The following TIMP2 variants were observed in gnomAD, a reference collection of about 807,000 sequenced individuals.
TIMP2 encodes metalloproteinase inhibitor 2.
Under a neutral mutation model 24.3 loss-of-function variants are expected in TIMP2, and 5 were observed. That is an observed-to-expected ratio of 0.21 (90% CI 0.11 to 0.43). TIMP2 has a LOEUF of 0.43. TIMP2 is among the 20% of genes least tolerant of loss of function. The pLI, the probability that TIMP2 is intolerant of heterozygous loss-of-function variation, is 1.00. For missense variants in TIMP2, 221 were observed against 297.5 expected (o/e 0.74, Z 1.89); for synonymous variants, 130 against 123.2 (o/e 1.06, Z -0.37).
Position 78,855,485 on chromosome 17 carries a change from CG to C in TIMP2, c.*181del. 3 of 721,162 alleles carry C rather than the reference CG, an allele frequency of 4.2e-6. No individual in the cohort carries two copies. The highest frequency in any genetic ancestry group is 6.7e-6 in the Non-Finnish European group (3 of 446,088). 44.7% of individuals were successfully genotyped at this position (721,162 alleles called of 1,614,324 possible). A position where few individuals can be genotyped will look rare whatever the true frequency, so the allele number is the denominator to read the frequency against. On this transcript the variant is annotated 3_prime_UTR_variant, in exon 5 of 5. Transcript: ENST00000262768. The surrounding 1 kb of genome is among the most constrained non-coding windows in gnomAD (Gnocchi z 6.0). ...GGATGGGATGAGGACCTTGGACCCA[CG>C]TCTCCCTCCAGACCCACAACCATGT...
intron 4 of TIMP2, 33 bp downstream of exon 4, chr17:78,857,489 G>C: frequency 6.2e-7 from 1 of 1,613,680 alleles, no homozygotes; most frequent in African/African-American, 1.3e-5. Flanking sequence ...ACTGGGAGGA[G>C]GCGATGCTCC....
chr17:78,921,997 C>G (rs899832189), intron 1 of TIMP2, among the ~76,000 whole-genome samples: 2 of 152,192 alleles, frequency 1.3e-5, no homozygotes, highest in Admixed American at 6.5e-5. Flanking sequence ...AACAAGCCAG[C>G]CTTTATTAAC....
chr17:78,917,450 G>C (rs1023165623), intron 1 of TIMP2, among the ~76,000 whole-genome samples: 2 of 152,162 alleles, frequency 1.3e-5, no homozygotes, highest in African/African-American at 4.8e-5. Context: ...ATAATTCCTT[G>C]ACACACTTGC....
intron 3 of TIMP2, among the ~76,000 whole-genome samples, chr17:78,863,042 C>T (rs989013947): frequency 1.3e-5 from 2 of 152,138 alleles, no homozygotes; most frequent in African/African-American, 2.4e-5. Context: ...TGCCGTTGAA[C>T]GATTTATTTT....
chr17:78,923,700 C>A (rs559973349), intron 1 of TIMP2, among the ~76,000 whole-genome samples: 1 of 152,342 alleles, frequency 6.6e-6, no homozygotes, highest in South Asian at 2.1e-4. Context: ...CAGGCACACA[C>A]CAAGCCTTCC....
chr17:78,910,829 A>G (rs2070200911), intron 1 of TIMP2, among the ~76,000 whole-genome samples: 1 of 152,146 alleles, frequency 6.6e-6, no homozygotes, highest in South Asian at 2.1e-4. Context: ...AACATCCACA[A>G]TGAAATACTA....
intron 1 of TIMP2, chr17:78,890,567 T>G: frequency 2.7e-6 from 4 of 1,464,806 alleles, no homozygotes; most frequent in Non-Finnish European, 3.7e-6. Context: ...ACACAGATCT[T>G]AGAGACCCGG....
chr17:78,892,293 T>C lies in TIMP2; in HGVS notation c.131-18374A>G, dbSNP rs59989120. On this transcript the variant is annotated intron_variant, in intron 1 of 4. Transcript: ENST00000262768. ...TTTTTCCTCCAAAGCAGGTCTTCGT[T>C]ATCAGGACAGAGGCTCAGCCACATG... The C allele has an allele frequency of 4.3e-3, 6,639 of 1,550,704 alleles. 224 individuals carry two copies. In the African/African-American group the frequency reaches 0.072, roughly 17 times the overall value.
intron 1 of TIMP2, among the ~76,000 whole-genome samples, chr17:78,908,648 A>G (rs1204038531): frequency 3.3e-5 from 5 of 152,218 alleles, no homozygotes; most frequent in Admixed American, 6.5e-5. Context: ...CCTCCCCCGC[A>G]GAGCCTTTGT....
rs1466070299 is a variant in TIMP2 at position 78,924,223 on chromosome 17, CTG to C, written c.130+734_130+735del. Among the ~76,000 whole-genome samples the C allele has an allele frequency of 2.0e-5, 3 of 152,256 alleles. No homozygotes were observed. Among genetic ancestry groups the C allele is most frequent in the Non-Finnish European group, 4.4e-5 (3 of 68,050 alleles). ...AGGTCATGGGTATTTGCTGGGGAAT[CTG>C]AGCAGCAGCACAGTCCCACGTGCCG... On this transcript the variant is annotated intron_variant, in intron 1 of 4. Transcript: ENST00000262768. The surrounding 1 kb of genome is among the most constrained non-coding windows in gnomAD (Gnocchi z 5.3).
At position 78,891,457 on chromosome 17, in the gene TIMP2, A is replaced by G; in HGVS notation, c.131-17538T>C. 6.4e-7 allele frequency: 1 copy of G among 1,550,952 alleles called. No homozygotes were observed. Among genetic ancestry groups the G allele is most frequent in the South Asian group, 1.2e-5 (1 of 84,060 alleles). On this transcript the variant is annotated intron_variant, in intron 1 of 4. Transcript: ENST00000262768. This position sits in a 1 kb window ranked among gnomAD's most constrained non-coding sequence, Gnocchi z 4.5. ...GTTTTTTCAGCTTTCTGTTTATATT[A>G]AACAACTCTTCAAAGGCCAACTCCA... is the stretch of plus-strand genomic sequence containing the variant.
chr17:78,857,436 C>T (rs998270645), intron 4 of TIMP2, 86 bp downstream of exon 4: 13 of 1,580,118 alleles, frequency 8.2e-6, no homozygotes, highest in Non-Finnish European at 1.1e-5. Context: ...TTAACGGGTC[C>T]TGGAAAGCCA....
At position 78,891,514 on chromosome 17, in the gene TIMP2, C is replaced by A. The variant is rs888207186; in HGVS notation, c.131-17595G>T. The A allele has an allele frequency of 1.3e-6, 2 of 1,551,188 alleles. No individual in the cohort carries two copies. The highest frequency in any genetic ancestry group is 2.0e-5 in the Admixed American group (1 of 51,006). On this transcript the variant is annotated intron_variant, in intron 1 of 4. Coordinates refer to ENST00000262768, the MANE Select transcript of TIMP2 (RefSeq NM_003255.5). This position sits in a 1 kb window ranked among gnomAD's most constrained non-coding sequence, Gnocchi z 4.5. Reference sequence around the variant, plus strand: ...TCTGCCACTTGTTCTTCTCCCGGAGCGTGCACTGAGATGCTGGGGACACGG... The same window carrying A: ...TCTGCCACTTGTTCTTCTCCCGGAGAGTGCACTGAGATGCTGGGGACACGG...
At chr17:78,884,089 C>T (rs1350232465) in intron 1 of TIMP2, among the ~76,000 whole-genome samples, 2 of 152,244 alleles carry the variant, frequency 1.3e-5, no homozygotes, top group Non-Finnish European at 2.9e-5. Flanking sequence ...GCCCTGCAAA[C>T]CCTAAGCCAG....
chr17:78,913,863 G>C (rs998140674), intron 1 of TIMP2, among the ~76,000 whole-genome samples: 1 of 137,728 alleles, frequency 7.3e-6, no homozygotes, highest in African/African-American at 2.8e-5. Context: ...CTGCACTCCA[G>C]CCTGGGCCAC....
intron 2 of TIMP2, among the ~76,000 whole-genome samples, chr17:78,871,460 A>AG (rs2069683604): frequency 8.0e-6 from 1 of 124,906 alleles, no homozygotes; most frequent in Non-Finnish European, 1.7e-5. Flanking sequence ...AAAAAAAAAA[A>AG]AAAAAAAAAA....
At chr17:78,919,437 G>A (rs901664573) in intron 1 of TIMP2, among the ~76,000 whole-genome samples, 14 of 152,184 alleles carry the variant, frequency 9.2e-5, no homozygotes, top group Admixed American at 2.0e-4. Flanking sequence ...ACCCCACCCT[G>A]CTGCCGCTAA....
At position 78,924,932 on chromosome 17, in the gene TIMP2, G is replaced by A. The variant is rs1324506955; in HGVS notation, c.130+27C>T. 14 of 1,219,906 alleles carry A rather than the reference G, an allele frequency of 1.1e-5. No homozygotes were observed. Among genetic ancestry groups the A allele is most frequent in the Non-Finnish European group, 1.4e-5 (14 of 971,446 alleles). The allele number at this position is 1,219,906 out of a possible 1,614,324, so 75.6% of individuals were successfully genotyped here. A position where few individuals can be genotyped will look rare whatever the true frequency, so the allele number is the denominator to read the frequency against. On this transcript the variant is annotated intron_variant, in intron 1 of 4. Coordinates refer to ENST00000262768, the MANE Select transcript of TIMP2 (RefSeq NM_003255.5). The surrounding 1 kb of genome is among the most constrained non-coding windows in gnomAD (Gnocchi z 5.3). Reference sequence around the variant, plus strand: ...GGTCGCGGGGGAGGTGGGGCCCCGCGCGGGGGCTGGGGTCGCCGCTCCTTA... The same window carrying A: ...GGTCGCGGGGGAGGTGGGGCCCCGCACGGGGGCTGGGGTCGCCGCTCCTTA...
intron 1 of TIMP2, among the ~76,000 whole-genome samples, chr17:78,914,419 A>G (rs867765546): frequency 5.9e-5 from 9 of 151,764 alleles, no homozygotes; most frequent in African/African-American, 2.2e-4. Context: ...AATAGCTGGG[A>G]TTACAGGCAC....
Sources: allele counts gnomAD v4.1 joint callset (sites outside exome capture counted in the v4.1 genomes callset), GRCh38; gene constraint gnomAD v4.1.1; non-coding constraint Gnocchi (gnomAD v3.1); transcripts MANE v1.5; gene names NCBI Gene and HGNC (gene_info 2026-07-23, HGNC 2026-07-21).